TMEM163: variants seen among roughly 807,000 people sequenced by gnomAD.
TMEM163 encodes the protein transmembrane protein 163.
Under a neutral mutation model 29.3 loss-of-function variants are expected in TMEM163, and 17 were observed. That is an observed-to-expected ratio of 0.58 (90% CI 0.40 to 0.87). The LOEUF (loss-of-function observed/expected upper bound fraction) is 0.87, where lower values mean the gene tolerates loss of function less well. Ranked by LOEUF, TMEM163 falls within the 40% of genes least tolerant of loss-of-function variation. The pLI, the probability that TMEM163 is intolerant of heterozygous loss-of-function variation, is 0.00. For synonymous variants in TMEM163, 157 were observed against 160.6 expected, an observed-to-expected ratio of 0.98 and a Z score of 0.17; for missense variants, 303 against 381.5, an observed-to-expected ratio of 0.79 and a Z score of 1.71.
intron 4 of TMEM163, among the ~76,000 whole-genome samples, 172 bp downstream of exon 4, chr2:134,550,398 A>G (rs79001091): frequency 0.016 from 2,461 of 152,286 alleles, 59 homozygotes; most frequent in African/African-American, 0.056. Context: ...GACCATCCCA[A>G]GAGGACCCTA....
chr2:134,461,091 G>A (rs191941128), intron 6 of TMEM163, among the ~76,000 whole-genome samples: 103 of 152,272 alleles, frequency 6.8e-4, no homozygotes, highest in African/African-American at 2.3e-3. Flanking sequence ...AGGCCCTGCC[G>A]TCACTCCCCT....
At chr2:134,645,495 T>C (rs1307945254) in intron 2 of TMEM163, among the ~76,000 whole-genome samples, 3 of 152,340 alleles carry the variant, frequency 2.0e-5, no homozygotes, top group South Asian at 4.1e-4. Context: ...AGAAAACTTA[T>C]GTTAACACAA....
chr2:134,631,193 A>AG (rs1292303742), intron 2 of TMEM163, among the ~76,000 whole-genome samples: 1 of 152,158 alleles, frequency 6.6e-6, no homozygotes, highest in African/African-American at 2.4e-5. Context: ...GAATATGTCA[A>AG]GGGGGACATG....
chr2:134,701,188 A>T (rs999357658), intron 2 of TMEM163, among the ~76,000 whole-genome samples: 12 of 151,978 alleles, frequency 7.9e-5, no homozygotes, highest in Non-Finnish European at 1.8e-4. Context: ...AAACCATAAA[A>T]ATTAGAAAGA....
chr2:134,516,718 TATTC>T (rs1680072997), intron 4 of TMEM163, among the ~76,000 whole-genome samples: 10 of 144,678 alleles, frequency 6.9e-5, no homozygotes, highest in Admixed American at 3.5e-4. Flanking sequence ...TATACATATA[TATTC>T]ATATATATGC....
chr2:134,698,186 G>A (rs1428686433), intron 2 of TMEM163, among the ~76,000 whole-genome samples: 1 of 152,168 alleles, frequency 6.6e-6, no homozygotes, highest in Non-Finnish European at 1.5e-5. Flanking sequence ...ATTCCCAACT[G>A]TGACAAACAG....
intron 2 of TMEM163, among the ~76,000 whole-genome samples, chr2:134,648,304 C>CTCTTCTCTT (rs1553488990): frequency 7.0e-6 from 1 of 143,110 alleles, no homozygotes; most frequent in Non-Finnish European, 1.5e-5. Flanking sequence ...CACTGCTTCT[C>CTCTTCTCTT]CTCTTCTCTT....
intron 4 of TMEM163, among the ~76,000 whole-genome samples, chr2:134,505,752 C>T (rs1416416641): frequency 6.6e-6 from 1 of 152,182 alleles, no homozygotes; most frequent in South Asian, 2.1e-4. Context: ...AGCCACGCCT[C>T]CATCACGCAC....
intron 2 of TMEM163, among the ~76,000 whole-genome samples, chr2:134,676,835 C>T (rs1040067116): frequency 2.6e-5 from 4 of 152,054 alleles, no homozygotes; most frequent in East Asian, 3.9e-4. Flanking sequence ...ATATTTGAGA[C>T]GAACAGACCT....
intron 2 of TMEM163, among the ~76,000 whole-genome samples, chr2:134,614,360 A>C (rs1379281608): frequency 5.9e-5 from 9 of 151,842 alleles, no homozygotes; most frequent in Non-Finnish European, 1.0e-4. Flanking sequence ...TAAAACTATA[A>C]AGGTTTTTCT....
intron 2 of TMEM163, among the ~76,000 whole-genome samples, chr2:134,704,709 C>T (rs968506346): frequency 6.6e-6 from 1 of 151,826 alleles, no homozygotes; most frequent in South Asian, 2.1e-4. Flanking sequence ...AGTGAAGGCT[C>T]CCCCACGCTC....
chr2:134,474,951 CA>C (rs1686882769), intron 5 of TMEM163, among the ~76,000 whole-genome samples: 2 of 152,186 alleles, frequency 1.3e-5, no homozygotes, highest in African/African-American at 4.8e-5. Context: ...AGCCAAATCC[CA>C]GCAGGCTTTT....
At chr2:134,457,253 C>T (rs903565342) in intron 7 of TMEM163, among the ~76,000 whole-genome samples, 1 of 152,158 alleles carries the variant, frequency 6.6e-6, no homozygotes, top group African/African-American at 2.4e-5. Context: ...GTGAATTTCA[C>T]AGACAACTTT....
At chr2:134,500,026 T>C (rs1679664884) in intron 5 of TMEM163, among the ~76,000 whole-genome samples, 1 of 152,114 alleles carries the variant, frequency 6.6e-6, no homozygotes, top group African/African-American at 2.4e-5. Context: ...TAAACATAGG[T>C]TTCCACTTCC....
At chr2:134,466,642 T>A (rs914701437) in intron 5 of TMEM163, 2 of 165,888 alleles carry the variant, frequency 1.2e-5, no homozygotes, top group African/African-American at 2.4e-5. Context: ...AGCCTAACAA[T>A]CCTTCAACAG....
At chr2:134,529,314 G>C (rs1366749239) in intron 4 of TMEM163, among the ~76,000 whole-genome samples, 3 of 152,144 alleles carry the variant, frequency 2.0e-5, no homozygotes, top group African/African-American at 4.8e-5. Flanking sequence ...CTGGGTGACA[G>C]AGTCTCGCTC....
chr2:134,694,195 T>C (rs945399262), intron 2 of TMEM163, among the ~76,000 whole-genome samples: 1 of 152,200 alleles, frequency 6.6e-6, no homozygotes, highest in African/African-American at 2.4e-5. Context: ...AAGAAAATAA[T>C]GACTATAAAA....
intron 2 of TMEM163, among the ~76,000 whole-genome samples, chr2:134,710,447 G>A (rs1684901074): frequency 6.6e-6 from 1 of 152,110 alleles, no homozygotes; most frequent in African/African-American, 2.4e-5. Context: ...CTGAGGAGGT[G>A]AAGACAGGAA....
At chr2:134,469,204 C>T (rs1030088373) in intron 5 of TMEM163, 2 of 152,010 alleles carry the variant, frequency 1.3e-5, no homozygotes, top group Admixed American at 1.3e-4. Flanking sequence ...CGCGGCCTAT[C>T]CAGGGGCTGT....
Sources: allele counts gnomAD v4.1 joint callset (sites outside exome capture counted in the v4.1 genomes callset), GRCh38; gene constraint gnomAD v4.1.1; transcripts MANE v1.5; gene names NCBI Gene and HGNC (gene_info 2026-07-23, HGNC 2026-07-21).